Variants in STXBP4 observed in about 807,000 individuals in gnomAD.
STXBP4 encodes syntaxin binding protein 4, also known as syntaxin-binding protein 4.
STXBP4 carries 55 observed loss-of-function variants against 76.1 expected under a neutral mutation model. That is an observed-to-expected ratio of 0.72 (90% confidence interval 0.58 to 0.91). STXBP4 has a LOEUF of 0.91. STXBP4 is among the 40% of genes least tolerant of loss of function. The probability of loss-of-function intolerance (pLI) is 0.00; values close to 1 mark genes in which losing one functional copy is unlikely to be tolerated. For synonymous variants in STXBP4, 201 were observed against 220.2 expected (o/e 0.91, Z 0.77); for missense variants, 618 against 636.9 (o/e 0.97, Z 0.32).
intron 16 of STXBP4, among the ~76,000 whole-genome samples, chr17:55,103,877 C>T (rs2079596498): frequency 6.6e-6 from 1 of 152,136 alleles, no homozygotes; most frequent in South Asian, 2.1e-4. Context: ...GTATTTTATT[C>T]TCTTTGTAGC....
At chr17:55,018,259 G>A (rs1293973053) in intron 8 of STXBP4, among the ~76,000 whole-genome samples, 1 of 152,184 alleles carries the variant, frequency 6.6e-6, no homozygotes, top group Non-Finnish European at 1.5e-5. Context: ...CAAGCCTTTA[G>A]CCCGATCAGG....
At chr17:55,107,844 G>T (rs764565293) in intron 16 of STXBP4, among the ~76,000 whole-genome samples, 72 of 152,184 alleles carry the variant, frequency 4.7e-4, no homozygotes, top group Non-Finnish European at 1.0e-4. Context: ...TCCTGTATGA[G>T]GTGTCTGTTG....
At chr17:55,181,166 C>A in the STXBP4 span, among the ~76,000 whole-genome samples, 1 of 152,206 alleles carries the variant, frequency 6.6e-6, no homozygotes, top group Non-Finnish European at 1.5e-5. Flanking sequence ...ACTCTAAATT[C>A]TTCTGCTACT....
At chr17:55,178,908 T>C in the STXBP4 span, among the ~76,000 whole-genome samples, 4 of 152,304 alleles carry the variant, frequency 2.6e-5, no homozygotes, top group Non-Finnish European at 2.9e-5. Flanking sequence ...ATTCTATCCA[T>C]TCAAATATTA....
At chr17:55,198,603 C>A in the STXBP4 span, among the ~76,000 whole-genome samples, 2 of 152,122 alleles carry the variant, frequency 1.3e-5, no homozygotes, top group East Asian at 3.8e-4. Flanking sequence ...ATCGTAAATT[C>A]CCCATGAGTA....
intron 8 of STXBP4, among the ~76,000 whole-genome samples, chr17:55,011,242 ATTTT>A (rs960106684): frequency 1.3e-5 from 2 of 151,530 alleles, no homozygotes. Context: ...ATTTTTTTTA[ATTTT>A]TTTTAAATTT....
chr17:55,106,152 C>T (rs1314659814), intron 16 of STXBP4, among the ~76,000 whole-genome samples: 1 of 152,142 alleles, frequency 6.6e-6, no homozygotes, highest in South Asian at 2.1e-4. Context: ...GTATTGGGTG[C>T]ATATATATTT....
chr17:55,000,172 C>A (rs2077884498), intron 6 of STXBP4: 1 of 978,146 alleles, frequency 1.0e-6, no homozygotes, highest in East Asian at 1.1e-4. Flanking sequence ...CATTTCTGTT[C>A]TCTGCTTGAC....
rs567387572 is a variant in STXBP4 at position 55,119,130 on chromosome 17, C to T, written c.1490-22180C>T. On this transcript the variant is annotated intron_variant, in intron 16 of 17. Coordinates refer to ENST00000376352, the MANE Select transcript of STXBP4 (RefSeq NM_178509.6). ...AACCCACTTGCCAGATTAGCCAACTCATCCATTCTCGCTATAAAGCACATT... is the reference window on the plus strand; with the variant it reads ...AACCCACTTGCCAGATTAGCCAACTTATCCATTCTCGCTATAAAGCACATT... Among the ~76,000 whole-genome samples the T allele has an allele frequency of 2.6e-3, 391 of 152,050 alleles. 2 individuals carry two copies. Among genetic ancestry groups the T allele is most frequent in the African/African-American group, 8.8e-3 (367 of 41,512 alleles).
At position 55,147,195 on chromosome 17, in the gene STXBP4, C is replaced by T. The variant is rs540154880; in HGVS notation, c.1547+5828C>T. 4.6e-5 allele frequency among the ~76,000 whole-genome samples: 7 copies of T among 152,098 alleles called. No individual in the cohort carries two copies. The East Asian group carries it at 1.3e-3, about 29-fold the overall frequency. ...TCCCAACCTTTTTGGCACGAGGAAC[C>T]CATTTTGTAGAAGATAATTTTTTCA... On this transcript the variant is annotated intron_variant, in intron 17 of 17. Transcript: ENST00000376352.
At chr17:55,096,662 T>A (rs1031131082) in intron 16 of STXBP4, among the ~76,000 whole-genome samples, 2 of 152,016 alleles carry the variant, frequency 1.3e-5, no homozygotes, top group Non-Finnish European at 2.9e-5. Flanking sequence ...ACTTTAAAGC[T>A]TATTTTTTTA....
At position 55,167,325 on chromosome 17, in the gene STXBP4, A is replaced by T. The variant is rs1486319492; in HGVS notation, c.*7414A>T. ...AATAAAAGTTTACAAAATAAATTTA[A>T]AATGTAACATTAACATAAAAAACTC... is the stretch of plus-strand genomic sequence containing the variant. On this transcript the variant is annotated 3_prime_UTR_variant, in exon 18 of 18. Transcript: ENST00000376352. 6.6e-6 allele frequency: 1 copy of T among 152,250 alleles called. No homozygotes were observed. Among genetic ancestry groups the T allele is most frequent in the Non-Finnish European group, 1.5e-5 (1 of 68,044 alleles). The allele number at this position is 152,250 out of a possible 1,614,324, so 9.4% of individuals were successfully genotyped here. A position where few individuals can be genotyped will look rare whatever the true frequency, so the allele number is the denominator to read the frequency against.
At chr17:55,114,067 T>G (rs999345258) in intron 16 of STXBP4, among the ~76,000 whole-genome samples, 1 of 152,114 alleles carries the variant, frequency 6.6e-6, no homozygotes, top group African/African-American at 2.4e-5. Context: ...GATCCTATAC[T>G]CTTTCCACCT....
At chr17:55,000,948 T>C in intron 7 of STXBP4, 65 bp downstream of exon 7, 1 of 1,094,906 alleles carries the variant, frequency 9.1e-7, no homozygotes, top group Non-Finnish European at 1.4e-6. Context: ...GAGGAGTGTG[T>C]AATGTGACTT....
intron 13 of STXBP4, among the ~76,000 whole-genome samples, chr17:55,077,074 T>C (rs2079192089): frequency 6.6e-6 from 1 of 152,198 alleles, no homozygotes; most frequent in Admixed American, 6.5e-5. Context: ...TTAAACATAA[T>C]TGCCTTATAT....
intron 8 of STXBP4, among the ~76,000 whole-genome samples, chr17:55,027,754 T>C (rs953511392): frequency 1.3e-5 from 2 of 151,996 alleles, no homozygotes; most frequent in African/African-American, 4.8e-5. Flanking sequence ...AATAAACAGA[T>C]CAAGAATGAT....
intron 12 of STXBP4, among the ~76,000 whole-genome samples, chr17:55,061,202 A>C (rs1222807256): frequency 6.6e-6 from 1 of 152,220 alleles, no homozygotes; most frequent in African/African-American, 2.4e-5. Flanking sequence ...TTTTCAGATG[A>C]AGCAACAAAG....
At chr17:55,193,444 A>C in the STXBP4 span, among the ~76,000 whole-genome samples, 1 of 152,268 alleles carries the variant, frequency 6.6e-6, no homozygotes, top group African/African-American at 2.4e-5. Flanking sequence ...CCTGACATCA[A>C]TTCTCATCAT....
At chr17:54,980,841 A>G (rs12936957) in intron 1 of STXBP4, among the ~76,000 whole-genome samples, 46,396 of 152,136 alleles carry the variant, frequency 0.3, 7,386 homozygotes, top group African/African-American at 0.35. Context: ...GGCTTGTCCC[A>G]TCTGTGGCCC....
Sources: gnomAD v4.1 joint callset for allele counts (sites outside exome capture counted in the v4.1 genomes callset) on GRCh38, gnomAD v4.1.1 for gene constraint, MANE v1.5 for transcripts, NCBI Gene and HGNC (gene_info 2026-07-23, HGNC 2026-07-21) for gene names.